SYNPR: variants seen among roughly 807,000 people sequenced by gnomAD.
The protein encoded by SYNPR is synaptoporin.
In SYNPR, 23 loss-of-function variants were observed where a neutral mutation model predicts 32.9. That is an observed-to-expected ratio of 0.70 (90% CI 0.50 to 0.99). SYNPR has a LOEUF of 0.99. Ranked by LOEUF, SYNPR falls within the 50% of genes least tolerant of loss-of-function variation. The pLI is 0.00. For synonymous variants in SYNPR, 146 were observed against 135.9 expected (o/e 1.07, Z -0.52); for missense variants, 318 against 349.3 (o/e 0.91, Z 0.71).
chr3:63,278,773 G>C (rs1167334929), intron 2 of SYNPR, 31 bp downstream of exon 2: 1 of 1,549,504 alleles, frequency 6.5e-7, no homozygotes, highest in Non-Finnish European at 8.7e-7. Context: ...AGGGAGGGGC[G>C]CCAGGCAGCC....
At position 63,609,145 on chromosome 3, in the gene SYNPR, C is replaced by G; in HGVS notation, c.429C>G (p.Val143=). 6.2e-7 allele frequency: 1 copy of G among 1,609,496 alleles called. No individual in the cohort carries two copies. The highest frequency in any genetic ancestry group is 8.5e-7 in the Non-Finnish European group (1 of 1,177,790). ...TGTAGGACTTCATTGTCACTGTAGT[C>G]TTTTCGTTCTTGTGGTTGGTGGGTT... The part of the protein sequence containing the change: ...GPLIDFIVTV[V]FSFLWLVGSS... Residue 143 remains valine (V), a synonymous_variant, in exon 5 of 6, where the codon GTC becomes GTG. Coordinates refer to ENST00000478300, the MANE Select transcript of SYNPR (RefSeq NM_001130003.2).
At chr3:63,484,565 G>A (rs1223523213) in intron 3 of SYNPR, among the ~76,000 whole-genome samples, 1 of 152,190 alleles carries the variant, frequency 6.6e-6, no homozygotes. Flanking sequence ...AATGGAGAAG[G>A]GTCAGAATGA....
upstream of SYNPR, among the ~76,000 whole-genome samples, chr3:63,226,210 G>A (rs971171563): frequency 1.4e-5 from 2 of 142,274 alleles, no homozygotes; most frequent in Non-Finnish European, 1.6e-5. Flanking sequence ...ACAGATGCTG[G>A]AAAAGATGTG....
intron 3 of SYNPR, among the ~76,000 whole-genome samples, chr3:63,270,045 G>A (rs4440118): frequency 0.64 from 97,348 of 152,024 alleles, 31,538 homozygotes; most frequent in Middle Eastern, 0.74. Context: ...AATATTTTCA[G>A]ATACAAAGAG....
At chr3:63,607,129 A>G (rs984419890) in intron 4 of SYNPR, among the ~76,000 whole-genome samples, 8 of 152,180 alleles carry the variant, frequency 5.3e-5, no homozygotes, top group Non-Finnish European at 8.8e-5. Flanking sequence ...TGATGAATAT[A>G]AATAATGAAA....
chr3:63,519,656 C>T (rs1701868835), intron 3 of SYNPR, among the ~76,000 whole-genome samples: 1 of 152,198 alleles, frequency 6.6e-6, no homozygotes, highest in Admixed American at 6.5e-5. Flanking sequence ...CCAACTGCAT[C>T]ATAGCGGTTT....
chr3:63,504,541 T>A (rs1230049914), intron 3 of SYNPR, among the ~76,000 whole-genome samples: 1 of 152,136 alleles, frequency 6.6e-6, no homozygotes, highest in Non-Finnish European at 1.5e-5. Context: ...TCGAGTGCAA[T>A]GTGTATTACG....
chr3:63,457,085 C>A (rs777207179), intron 2 of SYNPR, among the ~76,000 whole-genome samples: 4 of 152,040 alleles, frequency 2.6e-5, no homozygotes, highest in Non-Finnish European at 4.4e-5. Flanking sequence ...CTAAGTGGGG[C>A]TATCACCTTC....
chr3:63,295,871 T>C (rs2086788161), intron 2 of SYNPR, among the ~76,000 whole-genome samples: 1 of 152,214 alleles, frequency 6.6e-6, no homozygotes, highest in Non-Finnish European at 1.5e-5. Context: ...CCCATCTACT[T>C]ATGAAACTGC....
At chr3:63,383,200 T>A (rs2087994649) in intron 2 of SYNPR, among the ~76,000 whole-genome samples, 1 of 152,206 alleles carries the variant, frequency 6.6e-6, no homozygotes, top group Admixed American at 6.5e-5. Context: ...TCAGCCATAA[T>A]AAAAGAGCAC....
intron 4 of SYNPR, among the ~76,000 whole-genome samples, chr3:63,559,155 C>A (rs1702642573): frequency 6.6e-6 from 1 of 151,106 alleles, no homozygotes; most frequent in Non-Finnish European, 1.5e-5. Flanking sequence ...TCAACCTTCA[C>A]CTCCTGGGTT....
chr3:63,410,413 G>A (rs1191348504), intron 2 of SYNPR, among the ~76,000 whole-genome samples: 1 of 152,136 alleles, frequency 6.6e-6, no homozygotes, highest in African/African-American at 2.4e-5. Context: ...TTCTGGGTCT[G>A]GGTCTGCTCT....
chr3:63,464,477 T>A (rs1344354735), intron 2 of SYNPR, among the ~76,000 whole-genome samples: 1 of 152,184 alleles, frequency 6.6e-6, no homozygotes, highest in Non-Finnish European at 1.5e-5. Context: ...TTTTTCTACT[T>A]CCTCAAATAC....
At chr3:63,562,740 C>G (rs1027687131) in intron 4 of SYNPR, among the ~76,000 whole-genome samples, 1 of 152,160 alleles carries the variant, frequency 6.6e-6, no homozygotes, top group African/African-American at 2.4e-5. Flanking sequence ...ATATTAGAAA[C>G]CTTGCTTGTA....
At chr3:63,378,184 T>A (rs1382889272) in intron 2 of SYNPR, among the ~76,000 whole-genome samples, 1 of 151,946 alleles carries the variant, frequency 6.6e-6, no homozygotes, top group East Asian at 1.9e-4. Flanking sequence ...TAACTTTGAG[T>A]GTCCAGAGTT....
At chr3:63,462,751 G>T (rs1441422039) in intron 2 of SYNPR, among the ~76,000 whole-genome samples, 1 of 152,096 alleles carries the variant, frequency 6.6e-6, no homozygotes, top group Non-Finnish European at 1.5e-5. Flanking sequence ...ACATTAGACT[G>T]GAAAATTGTT....
chr3:63,531,538 C>T (rs1702112401), intron 3 of SYNPR, among the ~76,000 whole-genome samples: 1 of 152,154 alleles, frequency 6.6e-6, no homozygotes, highest in South Asian at 2.1e-4. Context: ...ATAACCTCAT[C>T]TAAGCTAGTT....
rs192540458 is a variant in SYNPR at position 63,548,303 on chromosome 3, T to G, written c.210-8240T>G. On this transcript the variant is annotated intron_variant, in intron 3 of 5. Transcript: ENST00000478300. ...GAGTGCTAAGTTTTCCACTACTCTG[T>G]GCCAACAGGTGATCTTTAGTGATTC... Among the ~76,000 whole-genome samples the G allele has an allele frequency of 1.5e-4, 23 of 152,126 alleles. No homozygotes were observed. In the East Asian group the frequency reaches 2.9e-3, roughly 19 times the overall value.
the SYNPR span, among the ~76,000 whole-genome samples, chr3:63,211,742 G>A: frequency 2.0e-5 from 3 of 147,908 alleles, no homozygotes; most frequent in African/African-American, 7.5e-5. Flanking sequence ...AAGTTTTAGG[G>A]TACATGTGCA....
Sources: allele counts gnomAD v4.1 joint callset (sites outside exome capture counted in the v4.1 genomes callset), GRCh38; gene constraint gnomAD v4.1.1; transcripts MANE v1.5; gene names NCBI Gene and HGNC (gene_info 2026-07-23, HGNC 2026-07-21).